Variants in UQCC1 observed in about 807,000 individuals in gnomAD.
The protein encoded by UQCC1 is bFGF-repressed Zic-binding protein.
UQCC1 carries 38 observed loss-of-function variants against 48.0 expected under a neutral mutation model. The observed-to-expected ratio is 0.79, with a 90% CI of 0.61 to 1.04. The LOEUF is 1.04. UQCC1 is among the 50% of genes least tolerant of loss of function. The pLI, the probability that UQCC1 is intolerant of heterozygous loss-of-function variation, is 0.00. For missense variants in UQCC1, 368 were observed against 381.8 expected (o/e 0.96, Z 0.30); for synonymous variants, 111 against 129.2 (o/e 0.86, Z 0.95).
chr20:35,304,388 A>T (rs970507063), intron 9 of UQCC1, among the ~76,000 whole-genome samples: 2 of 152,068 alleles, frequency 1.3e-5, no homozygotes, highest in South Asian at 4.1e-4. Flanking sequence ...CGCCCTCCCT[A>T]GACAGCTCCT....
chr20:35,324,865 T>A (rs1460877096), intron 7 of UQCC1, among the ~76,000 whole-genome samples: 1 of 152,150 alleles, frequency 6.6e-6, no homozygotes, highest in African/African-American at 2.4e-5. Flanking sequence ...AAAGCGGGAA[T>A]TGGAACTGAT....
At chr20:35,333,137 T>C (rs1206018112) in intron 7 of UQCC1, among the ~76,000 whole-genome samples, 2 of 151,966 alleles carry the variant, frequency 1.3e-5, no homozygotes, top group African/African-American at 4.8e-5. Flanking sequence ...TGAGCAAAGA[T>C]TTTGAAATCC....
intron 4 of UQCC1, among the ~76,000 whole-genome samples, chr20:35,374,767 A>T (rs1391472317): frequency 6.6e-6 from 1 of 152,150 alleles, no homozygotes; most frequent in Non-Finnish European, 1.5e-5. Flanking sequence ...TAGTTTGCTG[A>T]TTAACACTGT....
intron 2 of UQCC1, 109 bp from the exon 3 acceptor site, chr20:35,384,242 C>T: frequency 1.0e-6 from 1 of 964,758 alleles, no homozygotes; most frequent in Non-Finnish European, 1.5e-6. Flanking sequence ...TTACTTAGCC[C>T]ACTTCCCCGT....
chr20:35,372,052 C>T (rs2061738980), intron 5 of UQCC1, among the ~76,000 whole-genome samples: 1 of 151,874 alleles, frequency 6.6e-6, no homozygotes, highest in South Asian at 2.1e-4. Context: ...TGGCTCACGC[C>T]TGTAATCCCA....
intron 6 of UQCC1, among the ~76,000 whole-genome samples, chr20:35,349,201 T>C (rs1389525581): frequency 6.6e-6 from 1 of 152,220 alleles, no homozygotes; most frequent in Non-Finnish European, 1.5e-5. Flanking sequence ...AAAACATATT[T>C]ACCAAATTTG....
At chr20:35,313,204 G>A (rs1440885717) in intron 8 of UQCC1, among the ~76,000 whole-genome samples, 6 of 151,880 alleles carry the variant, frequency 4.0e-5, no homozygotes, top group African/African-American at 1.2e-4. Context: ...GTGAAACCCT[G>A]TCTCTACTAA....
intron 7 of UQCC1, among the ~76,000 whole-genome samples, chr20:35,318,521 A>G (rs1437987392): frequency 6.6e-6 from 1 of 152,236 alleles, no homozygotes; most frequent in African/African-American, 2.4e-5. Context: ...GTGCAAGAGT[A>G]GAGTTCCTTA....
At chr20:35,370,715 A>G (rs2061720855) in intron 5 of UQCC1, among the ~76,000 whole-genome samples, 1 of 152,250 alleles carries the variant, frequency 6.6e-6, no homozygotes, top group Non-Finnish European at 1.5e-5. Flanking sequence ...ATAGATTCAC[A>G]CTATAATTAG....
intron 7 of UQCC1, among the ~76,000 whole-genome samples, chr20:35,331,062 C>T (rs939393696): frequency 6.6e-6 from 1 of 152,012 alleles, no homozygotes; most frequent in South Asian, 2.1e-4. Flanking sequence ...TCGAAAATGC[C>T]AAAGACAACA....
intron 6 of UQCC1, among the ~76,000 whole-genome samples, chr20:35,363,428 G>A (rs1272642501): frequency 6.6e-6 from 1 of 152,214 alleles, no homozygotes; most frequent in Admixed American, 6.5e-5. Flanking sequence ...CATAGTCATT[G>A]CAGCTGCAAG....
At chr20:35,316,243 A>G (rs1351774027) in intron 7 of UQCC1, among the ~76,000 whole-genome samples, 5 of 152,218 alleles carry the variant, frequency 3.3e-5, no homozygotes, top group Non-Finnish European at 7.3e-5. Context: ...GACGGTGACC[A>G]TGCCCACAGT....
chr20:35,305,465 G>T (rs564617297), intron 9 of UQCC1, among the ~76,000 whole-genome samples: 1 of 152,252 alleles, frequency 6.6e-6, no homozygotes, highest in Non-Finnish European at 1.5e-5. Flanking sequence ...ATGTTGGGCA[G>T]GTCTCTCAGA....
chr20:35,342,276 T>C (rs1339657100), intron 7 of UQCC1, among the ~76,000 whole-genome samples: 1 of 152,190 alleles, frequency 6.6e-6, no homozygotes, highest in Non-Finnish European at 1.5e-5. Context: ...GCCTGCTCAT[T>C]GTGAGCCACA....
At chr20:35,364,063 A>T (rs1181716607) in intron 6 of UQCC1, among the ~76,000 whole-genome samples, 1 of 152,110 alleles carries the variant, frequency 6.6e-6, no homozygotes, top group Non-Finnish European at 1.5e-5. Flanking sequence ...CTTCCACTAC[A>T]TTCCTCAATA....
chr20:35,304,064 CTG>C lies in UQCC1; in HGVS notation c.769_770del (p.Gln257ValfsTer75). 6.2e-7 allele frequency: 1 copy of C among 1,614,060 alleles called. No individual in the cohort carries two copies. The highest frequency in any genetic ancestry group is 8.5e-7 in the Non-Finnish European group (1 of 1,179,960). On this transcript the variant is annotated frameshift_variant, in exon 10 of 10. Transcript: ENST00000374385. LOFTEE classifies it high-confidence loss of function. Reference protein sequence around the residue: ...LLVEYVRKQIQYLDSMNGEDL... With the variant: ...LLVEYVRKQIXYLDSMNGEDL... ...CCTCCCCGTTCATGGAGTCCAGGTA[CTG>C]TATCTGCAACCAGGGGAGGGGGAAG...
chr20:35,387,022 A>C (rs2061952022), intron 2 of UQCC1, among the ~76,000 whole-genome samples: 1 of 152,016 alleles, frequency 6.6e-6, no homozygotes, highest in Non-Finnish European at 1.5e-5. Flanking sequence ...GACGCCTGTA[A>C]TCCCAACACT....
At chr20:35,328,365 A>G (rs2061220147) in intron 7 of UQCC1, among the ~76,000 whole-genome samples, 1 of 152,146 alleles carries the variant, frequency 6.6e-6, no homozygotes, top group Non-Finnish European at 1.5e-5. Flanking sequence ...TCCTTTTCAT[A>G]TTAACAGATG....
At chr20:35,314,546 G>T in intron 8 of UQCC1, 142 bp downstream of exon 8, 1 of 573,336 alleles carries the variant, frequency 1.7e-6, no homozygotes, top group Non-Finnish European at 3.0e-6. Flanking sequence ...TCGCTGCCCA[G>T]TTGATGAATA....
Sources: gnomAD v4.1 joint callset for allele counts (sites outside exome capture counted in the v4.1 genomes callset) on GRCh38, gnomAD v4.1.1 for gene constraint, MANE v1.5 for transcripts, NCBI Gene and HGNC (gene_info 2026-07-23, HGNC 2026-07-21) for gene names.